LINGO2: variants seen among roughly 807,000 people sequenced by gnomAD.
The protein encoded by LINGO2 is leucine rich repeat and Ig domain containing 2, also known as leucine-rich repeat and immunoglobulin-like domain-containing nogo receptor-interacting protein 2.
LINGO2 carries 14 observed loss-of-function variants against 30.6 expected under a neutral mutation model. The observed-to-expected ratio is 0.46, with a 90% CI of 0.30 to 0.72. The LOEUF is 0.72. Ranked by LOEUF, LINGO2 falls within the 30% of genes least tolerant of loss-of-function variation. The pLI is 0.07. For synonymous variants in LINGO2, 317 were observed against 288.5 expected (o/e 1.10, Z -1.00); for missense variants, 729 against 751.7 (o/e 0.97, Z 0.35).
the LINGO2 span, among the ~76,000 whole-genome samples, chr9:28,900,621 A>G: frequency 1.3e-5 from 2 of 152,234 alleles, no homozygotes; most frequent in Non-Finnish European, 2.9e-5. Flanking sequence ...CAGCAAGTCC[A>G]TCTATGAATC....
At chr9:28,095,699 A>T (rs573271492) in intron 4 of LINGO2, among the ~76,000 whole-genome samples, 45 of 152,282 alleles carry the variant, frequency 3.0e-4, no homozygotes, top group African/African-American at 1.0e-3. Context: ...CAAAAGCCAA[A>T]ATTGAAAAAT....
intron 4 of LINGO2, among the ~76,000 whole-genome samples, chr9:28,120,279 C>T (rs1216224648): frequency 6.6e-6 from 1 of 152,162 alleles, no homozygotes; most frequent in Non-Finnish European, 1.5e-5. Context: ...GTGAATAATA[C>T]CTTAACGCCT....
chr9:28,514,935 T>A (rs866413538), intron 1 of LINGO2, among the ~76,000 whole-genome samples: 2 of 148,240 alleles, frequency 1.3e-5, no homozygotes, highest in Non-Finnish European at 1.5e-5. Context: ...ATGCTCTATT[T>A]AAAAAAAAAA....
At chr9:28,507,976 T>C (rs987270354) in intron 1 of LINGO2, among the ~76,000 whole-genome samples, 4 of 152,094 alleles carry the variant, frequency 2.6e-5, no homozygotes, top group Admixed American at 2.6e-4. Flanking sequence ...ATATATTTTG[T>C]CATATTTGGA....
chr9:28,044,298 G>A (rs998610964), intron 4 of LINGO2, among the ~76,000 whole-genome samples: 5 of 152,096 alleles, frequency 3.3e-5, no homozygotes, highest in Admixed American at 6.6e-5. Context: ...GAGCATAAAT[G>A]GGTATTTTAA....
chr9:28,158,972 A>G (rs558285716), intron 4 of LINGO2, among the ~76,000 whole-genome samples: 1 of 152,356 alleles, frequency 6.6e-6, no homozygotes, highest in South Asian at 2.1e-4. Flanking sequence ...CAGAGCAAAG[A>G]GAAAACTTAG....
chr9:28,174,016 T>C (rs531000776), intron 4 of LINGO2, among the ~76,000 whole-genome samples: 42 of 152,324 alleles, frequency 2.8e-4, no homozygotes, highest in Non-Finnish European at 3.8e-4. Context: ...AGTTGAGGTC[T>C]TTTCACTACA....
intron 4 of LINGO2, among the ~76,000 whole-genome samples, chr9:28,040,622 C>G (rs1306288866): frequency 6.6e-6 from 1 of 152,068 alleles, no homozygotes; most frequent in African/African-American, 2.4e-5. Flanking sequence ...TCAAATACTG[C>G]TGCTGTTGGC....
the LINGO2 span, among the ~76,000 whole-genome samples, chr9:28,719,984 A>T: frequency 6.6e-6 from 1 of 152,054 alleles, no homozygotes; most frequent in Non-Finnish European, 1.5e-5. Flanking sequence ...CATCATCAGA[A>T]CATATAATAT....
the LINGO2 span, among the ~76,000 whole-genome samples, chr9:28,993,064 C>T: frequency 6.6e-6 from 1 of 151,566 alleles, no homozygotes; most frequent in South Asian, 2.1e-4. Flanking sequence ...CAAAAAAATT[C>T]CTGAATCCAG....
intron 4 of LINGO2, among the ~76,000 whole-genome samples, chr9:28,244,659 A>G (rs1455849124): frequency 6.6e-6 from 1 of 152,216 alleles, no homozygotes; most frequent in African/African-American, 2.4e-5. Flanking sequence ...CTACCATCAG[A>G]GAATACTATA....
intron 1 of LINGO2, among the ~76,000 whole-genome samples, chr9:28,559,852 G>A (rs1424693360): frequency 6.6e-6 from 1 of 151,884 alleles, no homozygotes; most frequent in Non-Finnish European, 1.5e-5. Flanking sequence ...ACCTCAACTG[G>A]ATCTGAGGCT....
chr9:28,498,937 T>G (rs535342685), intron 1 of LINGO2, among the ~76,000 whole-genome samples: 5 of 152,276 alleles, frequency 3.3e-5, no homozygotes, highest in African/African-American at 9.6e-5. Flanking sequence ...TATAAAATAT[T>G]AAATTATCCA....
the LINGO2 span, among the ~76,000 whole-genome samples, chr9:28,802,735 C>A: frequency 6.6e-5 from 10 of 152,014 alleles, no homozygotes; most frequent in Admixed American, 2.0e-4. Flanking sequence ...TCATAGAGTT[C>A]CAGTGTCCAA....
rs185890402 is a variant in LINGO2 at position 28,013,392 on chromosome 9, T to C, written c.-86-987A>G. 5.6e-4 allele frequency among the ~76,000 whole-genome samples: 86 copies of C among 152,338 alleles called. 1 individual carries two copies. The highest frequency in any genetic ancestry group is 3.4e-3 in the Middle Eastern group (1 of 294). The stretch of plus-strand genomic sequence containing the variant: ...AAGAAGCCCCAAGGTAAAAGGAATC[T>C]GCTTATCTGCTGTACTCAGGGAAAA... On this transcript the variant is annotated intron_variant, in intron 4 of 5. Transcript: ENST00000379992.
chr9:28,978,069 TA>T, the LINGO2 span, among the ~76,000 whole-genome samples: 1 of 152,230 alleles, frequency 6.6e-6, no homozygotes, highest in African/African-American at 2.4e-5. Flanking sequence ...TATATTGATG[TA>T]AAAAAATGTT....
intron 4 of LINGO2, among the ~76,000 whole-genome samples, chr9:28,186,872 T>C (rs142998360): frequency 0.01 from 1,581 of 152,200 alleles, 12 homozygotes; most frequent in Middle Eastern, 0.017. Context: ...GAGAAATAAC[T>C]GGGGACAAAT....
the LINGO2 span, among the ~76,000 whole-genome samples, chr9:29,060,476 A>T: frequency 6.6e-6 from 1 of 151,976 alleles, no homozygotes. Context: ...TTATAACAAG[A>T]CCCAGAGATC....
At chr9:28,799,969 C>CT in the LINGO2 span, among the ~76,000 whole-genome samples, 59 of 151,466 alleles carry the variant, frequency 3.9e-4, no homozygotes, top group African/African-American at 5.8e-4. Context: ...TAGCAAAAAA[C>CT]TTTTTTTTTC....
Sources: allele counts gnomAD v4.1 joint callset (sites outside exome capture counted in the v4.1 genomes callset), GRCh38; gene constraint gnomAD v4.1.1; transcripts MANE v1.5; gene names NCBI Gene and HGNC (gene_info 2026-07-23, HGNC 2026-07-21).